Variants in BRD4 observed in about 807,000 individuals in gnomAD.
The protein encoded by BRD4 is bromodomain-containing protein 4.
Under a neutral mutation model 142.1 loss-of-function variants are expected in BRD4, and 16 were observed. That is an observed-to-expected ratio of 0.11 (90% CI 0.08 to 0.17). BRD4 has a LOEUF of 0.17. Ranked by LOEUF, BRD4 falls within the 10% of genes least tolerant of loss-of-function variation. BRD4 has a pLI of 1.00. For synonymous variants in BRD4, 833 were observed against 707.5 expected, an observed-to-expected ratio of 1.18 and a Z score of -2.82; for missense variants, 1,424 against 1,810.9, an observed-to-expected ratio of 0.79 and a Z score of 3.88.
At chr19:15,257,589 TGA>T (rs1432606777) in intron 7 of BRD4, among the ~76,000 whole-genome samples, 2 of 151,910 alleles carry the variant, frequency 1.3e-5, no homozygotes, top group East Asian at 3.9e-4. Flanking sequence ...GTCTGTGGTT[TGA>T]GAGGGCATTC....
chr19:15,280,881 T>C (rs1485385015), intron 1 of BRD4, among the ~76,000 whole-genome samples: 2 of 152,224 alleles, frequency 1.3e-5, no homozygotes, highest in Admixed American at 1.3e-4. Flanking sequence ...AATTTCTCAA[T>C]ACAATTCAAT....
At chr19:15,244,863 G>A (rs1176404450) in intron 11 of BRD4, 101 bp from the exon 12 acceptor site, 20 of 1,590,316 alleles carry the variant, frequency 1.3e-5, no homozygotes, top group Non-Finnish European at 1.6e-5. Context: ...TCAGGAGAAG[G>A]ACCAGTGACC....
Position 15,238,869 on chromosome 19 carries a change from T to A in BRD4, c.3894A>T (p.Gln1298His), listed in dbSNP as rs202242420. The change falls in exon 19 of 20, where the codon CAA becomes CAT. Residue 1298 changes from glutamine (Q) to histidine (H), a missense_variant. Physicochemically the swap from Gln to His is conservative, Grantham distance 24 (BLOSUM62 0). Transcript: ENST00000679869. The surrounding 1 kb of genome is among the most constrained non-coding windows in gnomAD (Gnocchi z 7.2). Reference protein sequence around the residue: ...QQRQEQQQQQQQQAAAVAAAA... With the variant: ...QQRQEQQQQQHQQAAAVAAAA... ...CGGCAGCCACCGCAGCTGCTTGCTG[T>A]TGCTGCTGCTGCTGTTGCTCCTGGC... 6.2e-7 allele frequency: 1 copy of A among 1,600,446 alleles called. No homozygotes were observed. The highest frequency in any genetic ancestry group is 1.7e-4 in the Middle Eastern group (1 of 5,726).
intron 1 of BRD4, among the ~76,000 whole-genome samples, chr19:15,287,708 T>A (rs1233345619): frequency 6.6e-6 from 1 of 152,238 alleles, no homozygotes; most frequent in African/African-American, 2.4e-5. Context: ...ATTTGTCTTT[T>A]TGTGGTTGTC....
chr19:15,313,624 C>CA (rs1470805008), intron 1 of BRD4, among the ~76,000 whole-genome samples: 1 of 147,142 alleles, frequency 6.8e-6, no homozygotes, highest in Non-Finnish European at 1.5e-5. Context: ...TGCAGTGAGC[C>CA]GAGATTGCGC....
intron 1 of BRD4, among the ~76,000 whole-genome samples, chr19:15,277,194 CTTA>C (rs1316021422): frequency 1.3e-5 from 2 of 152,180 alleles, no homozygotes; most frequent in East Asian, 1.9e-4. Context: ...AAGAATTTCG[CTTA>C]TTGTTTCCAA....
At chr19:15,329,362 A>G (rs1599537963) in intron 1 of BRD4, among the ~76,000 whole-genome samples, 1 of 152,230 alleles carries the variant, frequency 6.6e-6, no homozygotes, top group East Asian at 1.9e-4. Flanking sequence ...CACAAAATAC[A>G]ACACACTATA....
At chr19:15,275,659 G>C (rs1435733088) in intron 1 of BRD4, 1 of 152,170 alleles carries the variant, frequency 6.6e-6, no homozygotes, top group Non-Finnish European at 1.5e-5. Flanking sequence ...AGACAAACCT[G>C]GTAGCTACCA....
At chr19:15,249,137 G>C (rs2047318196) in intron 11 of BRD4, 3 of 1,415,300 alleles carry the variant, frequency 2.1e-6, no homozygotes, top group Non-Finnish European at 1.9e-6. Flanking sequence ...AATCCACCCC[G>C]GGGGACAGGC....
At chr19:15,240,865 C>T (rs2047232861) in intron 14 of BRD4, among the ~76,000 whole-genome samples, 4 of 152,218 alleles carry the variant, frequency 2.6e-5, no homozygotes, top group Admixed American at 1.3e-4. Context: ...CCACACTGTC[C>T]ACAGAGGAGG....
intron 11 of BRD4, among the ~76,000 whole-genome samples, chr19:15,246,842 GGA>G (rs2047292023): frequency 6.6e-6 from 1 of 152,166 alleles, no homozygotes; most frequent in Admixed American, 6.5e-5. Context: ...AAAAAGTGGG[GGA>G]GAGAAGGCGG....
intron 2 of BRD4, among the ~76,000 whole-genome samples, chr19:15,271,773 G>A (rs908754863): frequency 2.6e-5 from 4 of 152,168 alleles, no homozygotes; most frequent in Non-Finnish European, 4.4e-5. Flanking sequence ...ACCCAGACAC[G>A]TACTGCCCTG....
chr19:15,266,937 A>G (rs2047540913), intron 4 of BRD4, among the ~76,000 whole-genome samples: 1 of 152,200 alleles, frequency 6.6e-6, no homozygotes, highest in Non-Finnish European at 1.5e-5. Flanking sequence ...GAGATGGATG[A>G]GGAGGGCTTT....
intron 1 of BRD4, among the ~76,000 whole-genome samples, chr19:15,324,115 G>C (rs890207209): frequency 6.6e-6 from 1 of 152,074 alleles, no homozygotes; most frequent in African/African-American, 2.4e-5. Flanking sequence ...TCTGGTACAC[G>C]GCTCCACCCA....
At chr19:15,246,778 G>A (rs939017229) in intron 11 of BRD4, among the ~76,000 whole-genome samples, 1 of 152,120 alleles carries the variant, frequency 6.6e-6, no homozygotes, top group South Asian at 2.1e-4. Context: ...ATATCCTGAG[G>A]ACTTGTCTCC....
intron 2 of BRD4, among the ~76,000 whole-genome samples, chr19:15,272,614 T>G (rs1197685364): frequency 1.3e-5 from 2 of 152,216 alleles, no homozygotes; most frequent in African/African-American, 2.4e-5. Flanking sequence ...AGAAACCAGT[T>G]ATTGTTAAGC....
chr19:15,293,645 G>A (rs772522220), intron 1 of BRD4, among the ~76,000 whole-genome samples: 2 of 152,154 alleles, frequency 1.3e-5, no homozygotes, highest in Non-Finnish European at 2.9e-5. Flanking sequence ...TATTTTAAAT[G>A]TTTATTGTAA....
chr19:15,264,238 C>A, intron 6 of BRD4, 166 bp downstream of exon 6: 1 of 894,470 alleles, frequency 1.1e-6, no homozygotes, highest in South Asian at 1.8e-5. Context: ...GCACGTCCCA[C>A]AGCAGACAGC....
At chr19:15,326,266 C>G (rs1247025787) in intron 1 of BRD4, among the ~76,000 whole-genome samples, 1 of 151,240 alleles carries the variant, frequency 6.6e-6, no homozygotes, top group African/African-American at 2.4e-5. Flanking sequence ...GGTTCAAGAC[C>G]AGTGGGGACA....
Sources: allele counts gnomAD v4.1 joint callset (sites outside exome capture counted in the v4.1 genomes callset), GRCh38; gene constraint gnomAD v4.1.1; non-coding constraint Gnocchi (gnomAD v3.1); transcripts MANE v1.5; gene names NCBI Gene and HGNC (gene_info 2026-07-23, HGNC 2026-07-21).